HACL1: variants seen among roughly 807,000 people sequenced by gnomAD.
HACL1 encodes the protein 2-hydroxyacyl-CoA lyase 1, also known as 1600020H07Rik.
HACL1 carries 64 observed loss-of-function variants against 74.2 expected under a neutral mutation model. The ratio of observed to expected loss-of-function variants is 0.86; its 90% confidence interval spans 0.70 to 1.06. The LOEUF is 1.06. Among genes scored for constraint, HACL1 ranks in the 50% least tolerant of loss-of-function variants. The pLI is 0.00. For missense variants in HACL1, 728 were observed against 719.7 expected (o/e 1.01, Z -0.13); for synonymous variants, 230 against 238.8 (o/e 0.96, Z 0.34).
chr3:15,597,601 T>A lies in HACL1; in HGVS notation c.187-1177A>T, dbSNP rs115260264. Among the ~76,000 whole-genome samples, 522 of 141,922 alleles carry A rather than the reference T, an allele frequency of 3.7e-3. 3 individuals are homozygous for A. Among genetic ancestry groups the A allele is most frequent in the African/African-American group, 0.013 (480 of 38,362 alleles). 93.1% of individuals were successfully genotyped at this position (141,922 alleles called of 152,430 possible). On this transcript the variant is annotated intron_variant, in intron 2 of 16. Transcript: ENST00000321169. ...CTTTAAATGAAGTAGTATACTGTCT[T>A]AAAGAACTCCACATTAACGACATAA...
chr3:15,598,869 C>A (rs754894370), intron 2 of HACL1, among the ~76,000 whole-genome samples: 63 of 152,206 alleles, frequency 4.1e-4, no homozygotes, highest in Non-Finnish European at 8.8e-4. Flanking sequence ...GATGTTCCAC[C>A]AACATCTCAA....
chr3:15,573,736 G>A (rs1034511222), intron 10 of HACL1, among the ~76,000 whole-genome samples: 1 of 152,208 alleles, frequency 6.6e-6, no homozygotes, highest in Non-Finnish European at 1.5e-5. Context: ...TTCGCAGGTG[G>A]TGCTGATGCG....
In HACL1 at chr3:15,571,614, G is replaced by T. The variant is rs562084526; in HGVS notation, c.1095+54C>A. 9.6e-6 allele frequency: 8 copies of T among 830,436 alleles called. No individual in the cohort carries two copies. The East Asian group carries it at 1.9e-4, about 20-fold the overall frequency. The allele number at this position is 830,436 out of a possible 1,614,324, so 51.4% of individuals were successfully genotyped here. A position where few individuals can be genotyped will look rare whatever the true frequency, so the allele number is the denominator to read the frequency against. ...ATGCACATGTCACATTACGGCAGAA[G>T]TAACTGAATCATGAGCCTGACCTGT... On this transcript the variant is annotated intron_variant, in intron 12 of 16. Transcript: ENST00000321169.
intron 2 of HACL1, among the ~76,000 whole-genome samples, chr3:15,596,897 C>T (rs146288166): frequency 2.4e-3 from 360 of 151,940 alleles, no homozygotes; most frequent in Middle Eastern, 0.017. Flanking sequence ...ATTTGATTTG[C>T]TTTTCTTTTT....
At chr3:15,568,207 C>T (rs2063468394) in intron 13 of HACL1, among the ~76,000 whole-genome samples, 2 of 152,188 alleles carry the variant, frequency 1.3e-5, no homozygotes, top group Admixed American at 1.3e-4. Flanking sequence ...GCTTGGAAGA[C>T]TATAAACATA....
intron 14 of HACL1, among the ~76,000 whole-genome samples, chr3:15,566,523 G>A (rs1221599584): frequency 6.6e-6 from 1 of 152,130 alleles, no homozygotes; most frequent in Non-Finnish European, 1.5e-5. Context: ...GGGCATGGTG[G>A]TGCATGCCTG....
chr3:15,585,905 A>G (rs1006915938), intron 6 of HACL1, among the ~76,000 whole-genome samples: 1 of 152,218 alleles, frequency 6.6e-6, no homozygotes, highest in African/African-American at 2.4e-5. Flanking sequence ...CTCATGTGAC[A>G]GCTCACAGTC....
At chr3:15,573,356 T>G (rs2063570408) in intron 10 of HACL1, 114 bp from the exon 11 acceptor site, 3 of 642,698 alleles carry the variant, frequency 4.7e-6, no homozygotes. Context: ...TAAAGAAGAT[T>G]TGATATTCAG....
intron 2 of HACL1, chr3:15,600,837 G>GTAGTA: frequency 1.7e-6 from 1 of 573,076 alleles, no homozygotes; most frequent in Admixed American, 3.0e-5. Context: ...AATGGACTCA[G>GTAGTA]ACCCAGAATA....
At position 15,563,368 on chromosome 3, in the gene HACL1, C is replaced by T. The variant is rs149555880; in HGVS notation, c.1694G>A (p.Arg565Gln). Residue 565 changes from arginine (R) to glutamine (Q), a missense_variant, in exon 16 of 17, where the codon CGG becomes CAG. Arg to Gln is a conservative substitution (Grantham distance 43, BLOSUM62 1). Coordinates refer to ENST00000321169, the MANE Select transcript of HACL1 (RefSeq NM_012260.4). The part of the protein sequence containing the change: ...INIMIEPQAT[R>Q]KAQDFHWLTR... Reference sequence around the variant, plus strand: ...AGCAACTGTATTTACCTGGGCCTTCCGTGTGGCTTGTGGCTCAATCATGAT... The same window carrying T: ...AGCAACTGTATTTACCTGGGCCTTCTGTGTGGCTTGTGGCTCAATCATGAT... 4.9e-4 allele frequency: 794 copies of T among 1,611,716 alleles called. 1 individual carries two copies. Among genetic ancestry groups the T allele is most frequent in the Non-Finnish European group, 6.4e-4 (750 of 1,178,366 alleles).
chr3:15,573,073 T>TA (rs2063564098), intron 11 of HACL1, 86 bp downstream of exon 11: 1 of 787,824 alleles, frequency 1.3e-6, no homozygotes, highest in African/African-American at 1.7e-5. Flanking sequence ...GTAGACCCGT[T>TA]ACCAAGTGAA....
chr3:15,592,209 C>T (rs374832822), intron 3 of HACL1, among the ~76,000 whole-genome samples: 3,199 of 149,092 alleles, frequency 0.021, 59 homozygotes, highest in Non-Finnish European at 0.033. Context: ...TGTATACATG[C>T]GTGTATATAT....
intron 16 of HACL1, 77 bp downstream of exon 16, chr3:15,563,281 T>TCG: frequency 1.1e-6 from 1 of 937,320 alleles, no homozygotes; most frequent in South Asian, 1.5e-5. Context: ...GAGGGTGTTC[T>TCG]GTTTGGTAGA....
rs1261532001 is a variant in HACL1 at position 15,579,938 on chromosome 3, G to A, written c.775C>T (p.Pro259Ser). The A allele has an allele frequency of 2.5e-6, 4 of 1,611,620 alleles. No homozygotes were observed. The highest frequency in any genetic ancestry group is 3.4e-6 in the Non-Finnish European group (4 of 1,178,176). ...GATCTGGCTGCACCTACACAGTATGGATGGTTGTCAGGGACAACACCCTTC... is the reference window on the plus strand; with the variant it reads ...GATCTGGCTGCACCTACACAGTATGAATGGTTGTCAGGGACAACACCCTTC... ...MGKGVVPDNH[P>S]YCVGAARSRA... Residue 259 changes from proline (P) to serine (S), a missense_variant, in exon 9 of 17, where the codon CCA (proline) becomes TCA (serine). By Grantham distance (74) the Pro-to-Ser change is moderately conservative (BLOSUM62 -1). Coordinates refer to ENST00000321169, the MANE Select transcript of HACL1 (RefSeq NM_012260.4).
At chr3:15,572,029 G>T (rs1013222007) in intron 11 of HACL1, among the ~76,000 whole-genome samples, 2 of 151,446 alleles carry the variant, frequency 1.3e-5, no homozygotes, top group Non-Finnish European at 2.9e-5. Flanking sequence ...TAGTAGAGAC[G>T]AAGTTTCACC....
intron 12 of HACL1, among the ~76,000 whole-genome samples, chr3:15,569,990 C>CA (rs537803277): frequency 1.8e-3 from 223 of 123,326 alleles, no homozygotes; most frequent in East Asian, 9.4e-3. Flanking sequence ...AACTCCATCT[C>CA]AAAAAAAAAA....
At chr3:15,601,028 A>G in intron 2 of HACL1, 62 bp downstream of exon 2, 13 of 991,114 alleles carry the variant, frequency 1.3e-5, no homozygotes, top group Non-Finnish European at 1.6e-6. Flanking sequence ...TTTGCAATGC[A>G]TACCTACCGC....
chr3:15,591,916 A>AC (rs1559560405), intron 3 of HACL1, among the ~76,000 whole-genome samples: 64 of 150,576 alleles, frequency 4.3e-4, no homozygotes, highest in African/African-American at 1.5e-3. Context: ...ATATGTATAT[A>AC]GTGTATATAT....
At chr3:15,592,281 C>A (rs183113444) in intron 3 of HACL1, among the ~76,000 whole-genome samples, 1 of 144,786 alleles carries the variant, frequency 6.9e-6, no homozygotes, top group Non-Finnish European at 1.5e-5. Context: ...CGTATACATA[C>A]GTGTATATGT....
Sources: allele counts gnomAD v4.1 joint callset (sites outside exome capture counted in the v4.1 genomes callset), GRCh38; gene constraint gnomAD v4.1.1; transcripts MANE v1.5; gene names NCBI Gene and HGNC (gene_info 2026-07-23, HGNC 2026-07-21).